The following SEPTIN9 variants were observed in gnomAD, a reference collection of about 807,000 sequenced individuals.
SEPTIN9 encodes septin 9.
SEPTIN9 carries 13 observed loss-of-function variants against 56.6 expected under a neutral mutation model. That is an observed-to-expected ratio of 0.23 (90% confidence interval 0.15 to 0.37). The LOEUF (loss-of-function observed/expected upper bound fraction) is 0.37, where lower values mean the gene tolerates loss of function less well. SEPTIN9 is among the 10% of genes least tolerant of loss of function. The pLI is 1.00. For missense variants in SEPTIN9, 650 were observed against 823.1 expected (o/e 0.79, Z 2.57); for synonymous variants, 332 against 334.1 (o/e 0.99, Z 0.07).
chr17:77,477,071 G>A (rs1055966380), intron 3 of SEPTIN9, among the ~76,000 whole-genome samples: 12 of 151,698 alleles, frequency 7.9e-5, no homozygotes, highest in South Asian at 2.1e-4. Context: ...CCCTTCTTCC[G>A]TCCCTCCCTC....
chr17:77,298,630 G>T (rs2031914202), intron 1 of SEPTIN9, among the ~76,000 whole-genome samples: 2 of 152,124 alleles, frequency 1.3e-5, no homozygotes, highest in South Asian at 4.2e-4. Flanking sequence ...TTCTCACCTG[G>T]GTGTGTGAAT....
rs1202529926 is a variant in SEPTIN9, at chr17:77,405,296, T to C, written c.721+2593T>C. On this transcript the variant is annotated intron_variant, in intron 3 of 11. Coordinates refer to ENST00000427177, the MANE Select transcript of SEPTIN9 (RefSeq NM_001113491.2). The surrounding 1 kb of genome is among the most constrained non-coding windows in gnomAD (Gnocchi z 5.8). ...GGAGCTCACCGAGCCGTGAGCAGGA[T>C]GGCTGGGACACAAGGAGTGTCCAGG... Among the ~76,000 whole-genome samples the C allele has an allele frequency of 1.3e-5, 2 of 152,062 alleles. No individual in the cohort carries two copies. Among genetic ancestry groups the C allele is most frequent in the Non-Finnish European group, 2.9e-5 (2 of 68,022 alleles).
chr17:77,374,450 A>C (rs2034844539), intron 2 of SEPTIN9: 1 of 152,116 alleles, frequency 6.6e-6, no homozygotes, highest in South Asian at 2.1e-4. Context: ...GGCGAAGGGG[A>C]AGCTCACACA....
intron 1 of SEPTIN9, among the ~76,000 whole-genome samples, chr17:77,290,651 T>A (rs1404230506): frequency 2.0e-5 from 3 of 150,444 alleles, no homozygotes; most frequent in Non-Finnish European, 3.0e-5. Flanking sequence ...CCGTCTCTAC[T>A]AAAAATACAA....
Position 77,400,089 on chromosome 17 carries a change from G to T in SEPTIN9, c.77-1970G>T, listed in dbSNP as rs34171528. Reference sequence around the variant, plus strand: ...CCTCCCGGGTTCAAGCGATTCTCCTGCCTCAGCCTCCTGAGTAGCTGGGAC... The same window carrying T: ...CCTCCCGGGTTCAAGCGATTCTCCTTCCTCAGCCTCCTGAGTAGCTGGGAC... On this transcript the variant is annotated intron_variant, in intron 2 of 11. Coordinates refer to ENST00000427177, the MANE Select transcript of SEPTIN9 (RefSeq NM_001113491.2). The surrounding 1 kb of genome is among the most constrained non-coding windows in gnomAD (Gnocchi z 4.1). Among the ~76,000 whole-genome samples the T allele has an allele frequency of 3.9e-3, 601 of 152,264 alleles. 1 individual carries two copies. The highest frequency in any genetic ancestry group is 0.014 in the African/African-American group (569 of 41,542).
At position 77,402,324 on chromosome 17, in the gene SEPTIN9, CTCG is replaced by C; in HGVS notation, c.345_347del (p.Ser116del). 6.2e-7 allele frequency: 1 copy of C among 1,612,754 alleles called. No individual in the cohort carries two copies. Among genetic ancestry groups the C allele is most frequent in the Non-Finnish European group, 8.5e-7 (1 of 1,179,792 alleles). ...GGCGCACTGAGCTGTCCATTGACAT[CTCG>C]TCCAAGCAGGTGGAGAACGCCGGGG... On this transcript the variant is annotated inframe_deletion, in exon 3 of 12. Transcript: ENST00000427177. This position sits in a 1 kb window ranked among gnomAD's most constrained non-coding sequence, Gnocchi z 6.6.
Position 77,319,840 on chromosome 17 carries a change from C to T in SEPTIN9, c.76+12643C>T. 9.2e-7 allele frequency: 1 copy of T among 1,086,712 alleles called. No individual in the cohort carries two copies. The highest frequency in any genetic ancestry group is 1.1e-6 in the Non-Finnish European group (1 of 891,598). The allele number at this position is 1,086,712 out of a possible 1,614,324, so 67.3% of individuals were successfully genotyped here. ...TCCAAGAGTCTAAGTTAAGCATCTC[C>T]AAGTGGATATTAAAAAGGAGCAGCA... On this transcript the variant is annotated intron_variant, in intron 2 of 11. Coordinates refer to ENST00000427177, the MANE Select transcript of SEPTIN9 (RefSeq NM_001113491.2). This position sits in a 1 kb window ranked among gnomAD's most constrained non-coding sequence, Gnocchi z 5.3.
At chr17:77,431,139 G>A (rs151206193) in intron 3 of SEPTIN9, among the ~76,000 whole-genome samples, 340 of 152,264 alleles carry the variant, frequency 2.2e-3, no homozygotes, top group African/African-American at 7.6e-3. Flanking sequence ...CCAGGCGTTC[G>A]AGACCAGTCT....
intron 2 of SEPTIN9, among the ~76,000 whole-genome samples, chr17:77,320,893 ATGTGTGTGCGTG>A (rs1442915432): frequency 6.6e-6 from 1 of 152,188 alleles, no homozygotes; most frequent in African/African-American, 2.4e-5. Context: ...GTGTGTGTGC[ATGTGTGTGCGTG>A]TGTCCATTCA....
intron 7 of SEPTIN9, among the ~76,000 whole-genome samples, chr17:77,490,137 G>A (rs390994): frequency 2.0e-5 from 3 of 152,110 alleles, no homozygotes; most frequent in African/African-American, 7.2e-5. Flanking sequence ...TGCCCGGAGC[G>A]GGCTTCTCCC....
intron 10 of SEPTIN9, among the ~76,000 whole-genome samples, chr17:77,494,965 C>T (rs1389872309): frequency 6.6e-6 from 1 of 152,244 alleles, no homozygotes; most frequent in African/African-American, 2.4e-5. Context: ...GCTTGCCTCC[C>T]CTTGGCCCCT....
chr17:77,335,539 T>C (rs2033517850), intron 2 of SEPTIN9, among the ~76,000 whole-genome samples: 1 of 150,852 alleles, frequency 6.6e-6, no homozygotes, highest in Non-Finnish European at 1.5e-5. Context: ...TATGTACATA[T>C]ATACATGTAG....
intron 3 of SEPTIN9, among the ~76,000 whole-genome samples, chr17:77,420,509 T>C (rs373237489): frequency 7.2e-5 from 11 of 152,166 alleles, no homozygotes; most frequent in South Asian, 2.1e-4. Flanking sequence ...TGGCTGATTC[T>C]GCTCCACCCA....
chr17:77,287,242 C>T (rs754425537), intron 1 of SEPTIN9, among the ~76,000 whole-genome samples: 3 of 152,224 alleles, frequency 2.0e-5, no homozygotes. Context: ...TCGTGTGTCA[C>T]CCAGGCCTGT....
At chr17:77,409,816 A>G (rs1046068183) in intron 3 of SEPTIN9, among the ~76,000 whole-genome samples, 8 of 152,180 alleles carry the variant, frequency 5.3e-5, no homozygotes, top group Non-Finnish European at 8.8e-5. Flanking sequence ...TGCGGTGTGG[A>G]CAGAGGGCAC....
intron 3 of SEPTIN9, among the ~76,000 whole-genome samples, chr17:77,441,889 G>A (rs2037560460): frequency 6.6e-6 from 1 of 152,170 alleles, no homozygotes; most frequent in African/African-American, 2.4e-5. Context: ...CCAAATTGCC[G>A]GCTGTGGGTG....
At chr17:77,292,988 GCATTTATTTATTTATTTATT>G (rs2031637210) in intron 1 of SEPTIN9, among the ~76,000 whole-genome samples, 2 of 147,832 alleles carry the variant, frequency 1.4e-5, no homozygotes, top group South Asian at 2.1e-4. Context: ...AACCGCTTGA[GCATTTATTTATTTATTTATT>G]TATTTATTTA....
intron 4 of SEPTIN9, among the ~76,000 whole-genome samples, chr17:77,485,200 A>G (rs1316550490): frequency 6.4e-5 from 6 of 93,794 alleles, no homozygotes; most frequent in South Asian, 7.8e-4. Flanking sequence ...GGTGGTGGTG[A>G]TGGTGATGAT....
chr17:77,472,204 G>A lies in SEPTIN9; in HGVS notation c.722-9940G>A, dbSNP rs112033338. 5.4e-3 allele frequency among the ~76,000 whole-genome samples: 828 copies of A among 152,292 alleles called. 5 individuals carry two copies. The highest frequency in any genetic ancestry group is 8.3e-3 in the Non-Finnish European group (566 of 68,030). ...AGGAGGGCCTCTTCCAGAAAGCGGC[G>A]GGTGGTGTGAGGAGCCCTTGGACCT... On this transcript the variant is annotated intron_variant, in intron 3 of 11. Transcript: ENST00000427177.
Sources: allele counts gnomAD v4.1 joint callset (sites outside exome capture counted in the v4.1 genomes callset), GRCh38; gene constraint gnomAD v4.1.1; non-coding constraint Gnocchi (gnomAD v3.1); transcripts MANE v1.5; gene names NCBI Gene and HGNC (gene_info 2026-07-23, HGNC 2026-07-21).